The following TLN2 variants were observed in gnomAD, a reference collection of about 807,000 sequenced individuals.
TLN2 encodes talin 2.
TLN2 carries 118 observed loss-of-function variants against 294.7 expected under a neutral mutation model. That is an observed-to-expected ratio of 0.40 (90% CI 0.34 to 0.47). The LOEUF (loss-of-function observed/expected upper bound fraction) is 0.47. Ranked by LOEUF, TLN2 falls within the 20% of genes least tolerant of loss-of-function variation. TLN2 has a pLI of 0.84. For synonymous variants in TLN2, 1,431 were observed against 1,304.5 expected (o/e 1.10, Z -2.09); for missense variants, 3,083 against 3,282.2 (o/e 0.94, Z 1.48).
Position 62,805,669 on chromosome 15 carries a change from ATC to A in TLN2, c.6548_6549del (p.Ile2183AsnfsTer15), listed in dbSNP as rs1423168307. On this transcript the variant is annotated frameshift_variant, in exon 51 of 59. Coordinates refer to ENST00000636159, the MANE Select transcript of TLN2 (RefSeq NM_015059.3). LOFTEE classifies it high-confidence loss of function. ...PEESIRMTKGITMATAKAVAA... is the reference protein window; with the variant it reads ...PEESIRMTKGXTMATAKAVAA... ...AGAATCCATAAGGATGACGAAAGGC[ATC>A]ACCATGGCAACAGCCAAAGCCGTGG... 2.7e-5 allele frequency: 44 copies of A among 1,614,076 alleles called. No homozygotes were observed. Among genetic ancestry groups the A allele is most frequent in the Non-Finnish European group, 4.2e-6 (5 of 1,180,024 alleles).
At chr15:62,828,548 C>G (rs1235505872) in intron 54 of TLN2, 2 of 152,136 alleles carry the variant, frequency 1.3e-5, no homozygotes, top group Non-Finnish European at 2.9e-5. Flanking sequence ...TTTGTATGTC[C>G]ATGCATGACT....
intron 9 of TLN2, among the ~76,000 whole-genome samples, chr15:62,668,756 G>A (rs748436790): frequency 5.3e-5 from 8 of 152,152 alleles, no homozygotes; most frequent in South Asian, 2.1e-4. Context: ...GGCTTCCCAC[G>A]GCTTTTGTCA....
At chr15:62,722,674 T>C (rs1302684378) in intron 26 of TLN2, among the ~76,000 whole-genome samples, 187 bp downstream of exon 26, 1 of 152,210 alleles carries the variant, frequency 6.6e-6, no homozygotes, top group African/African-American at 2.4e-5. Flanking sequence ...CCAGACTTAG[T>C]ATTCACTTTT....
intron 33 of TLN2, among the ~76,000 whole-genome samples, chr15:62,748,966 A>G (rs533647045): frequency 5.1e-4 from 77 of 152,368 alleles, no homozygotes; most frequent in Non-Finnish European, 1.0e-3. Context: ...AAGGGCCCAG[A>G]ACACAGTGTG....
chr15:62,485,579 C>T (rs894973965), intron 1 of TLN2, among the ~76,000 whole-genome samples: 1 of 152,268 alleles, frequency 6.6e-6, no homozygotes, highest in African/African-American at 2.4e-5. Context: ...TGACCTTGCT[C>T]TGGAATCCTT....
chr15:62,463,076 C>T (rs968689506), intron 1 of TLN2, among the ~76,000 whole-genome samples: 1 of 152,210 alleles, frequency 6.6e-6, no homozygotes, highest in Non-Finnish European at 1.5e-5. Flanking sequence ...ACCCCCCTGC[C>T]TCTGGCAGCC....
At chr15:62,709,191 A>G (rs920462368) in intron 21 of TLN2, among the ~76,000 whole-genome samples, 10 of 152,322 alleles carry the variant, frequency 6.6e-5, no homozygotes, top group African/African-American at 2.4e-4. Flanking sequence ...CATGCCGCAC[A>G]GGGTCATGGG....
intron 37 of TLN2, among the ~76,000 whole-genome samples, chr15:62,757,944 C>G (rs761472104): frequency 1.2e-4 from 19 of 152,152 alleles, no homozygotes; most frequent in Non-Finnish European, 2.6e-4. Context: ...GCACATGGTA[C>G]TATATACTGA....
chr15:62,551,244 C>T (rs2042280783), intron 1 of TLN2, among the ~76,000 whole-genome samples: 1 of 152,084 alleles, frequency 6.6e-6, no homozygotes, highest in Admixed American at 6.6e-5. Context: ...CACTGCTCAC[C>T]ACCTACTGTG....
intron 45 of TLN2, among the ~76,000 whole-genome samples, chr15:62,787,889 G>T (rs2064806398): frequency 6.7e-6 from 1 of 149,998 alleles, no homozygotes. Flanking sequence ...ACGGGGTTTT[G>T]CTACATTGTC....
At chr15:62,812,009 C>CTCAATCAA (rs1335116782) in intron 52 of TLN2, among the ~76,000 whole-genome samples, 2 of 70,250 alleles carry the variant, frequency 2.8e-5, no homozygotes, top group African/African-American at 1.3e-4. Flanking sequence ...AAGACTCCAT[C>CTCAATCAA]TCAATAAATA....
rs752361745 is a variant in TLN2 at position 62,716,464 on chromosome 15, G to T, written c.2763+5G>T. 3.1e-5 allele frequency: 50 copies of T among 1,590,646 alleles called. No homozygotes were observed. The highest frequency in any genetic ancestry group is 4.2e-5 in the Non-Finnish European group (49 of 1,172,082). The stretch of plus-strand genomic sequence containing the variant: ...AAAATTGTCAACCGACTGGAGGTAA[G>T]GAAAGAGGCTGCCTTTCTGGGATGC... On this transcript the variant is annotated splice_donor_5th_base_variant and intron_variant, in intron 23 of 58. Coordinates refer to ENST00000636159, the MANE Select transcript of TLN2 (RefSeq NM_015059.3).
chr15:62,591,057 C>T (rs1055850237), intron 2 of TLN2, among the ~76,000 whole-genome samples: 7 of 151,466 alleles, frequency 4.6e-5, no homozygotes, highest in African/African-American at 1.5e-4. Flanking sequence ...TATATATTTA[C>T]ATACTGTTCT....
At chr15:62,808,944 A>C (rs1022834064) in intron 51 of TLN2, among the ~76,000 whole-genome samples, 5 of 152,230 alleles carry the variant, frequency 3.3e-5, no homozygotes, top group Non-Finnish European at 7.3e-5. Flanking sequence ...TCCTAGGAAG[A>C]GGGGCTTGAG....
At chr15:62,512,430 T>C (rs1181563718) in intron 1 of TLN2, among the ~76,000 whole-genome samples, 1 of 152,180 alleles carries the variant, frequency 6.6e-6, no homozygotes, top group Admixed American at 6.5e-5. Context: ...CTAAGTAGCA[T>C]AGTAACTCTA....
chr15:62,725,825 G>T (rs1222143053), intron 27 of TLN2, among the ~76,000 whole-genome samples: 1 of 152,182 alleles, frequency 6.6e-6, no homozygotes, highest in Non-Finnish European at 1.5e-5. Flanking sequence ...TTTGAATTCA[G>T]ATTTGCAGGA....
rs1220017708 is a variant in TLN2 at position 62,796,202 on chromosome 15, T to C, written c.5959T>C (p.Ser1987Pro). The C allele has an allele frequency of 1.2e-6, 2 of 1,614,098 alleles. No individual in the cohort carries two copies. Among genetic ancestry groups the C allele is most frequent in the African/African-American group, 2.7e-5 (2 of 74,912 alleles). ...QACITAATAV[S>P]GIIADLDTTI... ...ATGCATTACAGCCGCCACCGCTGTG[T>C]CTGGGATCATTGCCGACCTGGACAC... is the stretch of plus-strand genomic sequence containing the variant. The change falls in exon 47 of 59, where the codon TCT becomes CCT. Residue 1987 changes from serine (S) to proline (P), a missense_variant. Physicochemically the swap from Ser to Pro is moderately conservative, Grantham distance 74 (BLOSUM62 -1). Coordinates refer to ENST00000636159, the MANE Select transcript of TLN2 (RefSeq NM_015059.3).
intron 1 of TLN2, among the ~76,000 whole-genome samples, chr15:62,525,427 A>G (rs2040684593): frequency 6.6e-6 from 1 of 152,202 alleles, no homozygotes; most frequent in Non-Finnish European, 1.5e-5. Context: ...CCTGCTGTTC[A>G]CTTCCTAAAT....
intron 57 of TLN2, among the ~76,000 whole-genome samples, chr15:62,837,830 T>C (rs143032674): frequency 0.012 from 1,898 of 152,306 alleles, 35 homozygotes; most frequent in African/African-American, 0.042. Flanking sequence ...ATAGTTTGCA[T>C]TGGTCACTTT....
Sources: allele counts gnomAD v4.1 joint callset (sites outside exome capture counted in the v4.1 genomes callset), GRCh38; gene constraint gnomAD v4.1.1; transcripts MANE v1.5; gene names NCBI Gene and HGNC (gene_info 2026-07-23, HGNC 2026-07-21).